Variants in RBM33 observed in about 807,000 individuals in gnomAD.
RBM33 encodes RNA binding motif protein 33.
RBM33 carries 28 observed loss-of-function variants against 132.6 expected under a neutral mutation model. That is an observed-to-expected ratio of 0.21 (90% CI 0.16 to 0.29). The LOEUF is 0.29. RBM33 is among the 10% of genes least tolerant of loss of function. The pLI is 1.00. For missense variants in RBM33, 1,291 were observed against 1,518.5 expected (o/e 0.85, Z 2.49); for synonymous variants, 634 against 593.0 (o/e 1.07, Z -1.01).
chr7:155,648,909 A>G (rs1217635785), intron 1 of RBM33, among the ~76,000 whole-genome samples: 1 of 152,104 alleles, frequency 6.6e-6, no homozygotes, highest in Non-Finnish European at 1.5e-5. Flanking sequence ...ATGACATGTC[A>G]CTTCTCTCTT....
In RBM33 at chr7:155,774,535, A is replaced by G. The variant is rs559164149; in HGVS notation, c.3376-24A>G. On this transcript the variant is annotated intron_variant, in intron 16 of 17. Transcript: ENST00000401878. The surrounding 1 kb of genome is among the most constrained non-coding windows in gnomAD (Gnocchi z 4.2). ...TTTATTGTCATTTACAACTGATCTT[A>G]AAGTGTTTGTTTTCTTCCTCTAGAG... 3.2e-6 allele frequency: 5 copies of G among 1,543,740 alleles called. No homozygotes were observed. In the East Asian group the frequency reaches 6.7e-5, roughly 21 times the overall value.
chr7:155,733,932 C>T (rs1410005887), intron 9 of RBM33, among the ~76,000 whole-genome samples: 2 of 152,228 alleles, frequency 1.3e-5, no homozygotes, highest in East Asian at 1.9e-4. Context: ...AGAAAATGAA[C>T]ATTTAATTCT....
intron 5 of RBM33, among the ~76,000 whole-genome samples, chr7:155,694,675 T>C (rs187499095): frequency 1.3e-5 from 2 of 152,316 alleles, no homozygotes; most frequent in Non-Finnish European, 1.5e-5. Flanking sequence ...AATGTAGTCA[T>C]ATAGTGTGTG....
chr7:155,704,120 T>C (rs563520018), intron 6 of RBM33, among the ~76,000 whole-genome samples: 17 of 152,334 alleles, frequency 1.1e-4, no homozygotes, highest in Admixed American at 4.6e-4. Flanking sequence ...TTTTTTCACA[T>C]TCACATCTCT....
chr7:155,749,325 A>G (rs765713638), intron 14 of RBM33, among the ~76,000 whole-genome samples: 3 of 152,162 alleles, frequency 2.0e-5, no homozygotes, highest in African/African-American at 4.8e-5. Flanking sequence ...AGTGTTTAGC[A>G]TGTACTCACA....
chr7:155,659,617 A>G (rs1798586922), intron 1 of RBM33, among the ~76,000 whole-genome samples: 1 of 152,338 alleles, frequency 6.6e-6, no homozygotes, highest in Non-Finnish European at 1.5e-5. Context: ...AAGTGTACTT[A>G]TATACACATA....
chr7:155,758,823 C>T (rs1186647303), intron 14 of RBM33, among the ~76,000 whole-genome samples: 4 of 131,428 alleles, frequency 3.0e-5, no homozygotes, highest in East Asian at 2.2e-4. Flanking sequence ...GGTGCACATG[C>T]CTCCAGGAAG....
intron 11 of RBM33, 78 bp from the exon 12 acceptor site, chr7:155,739,637 T>C: frequency 7.0e-7 from 1 of 1,432,488 alleles, no homozygotes; most frequent in Non-Finnish European, 9.2e-7. Flanking sequence ...TGTTGAGGTT[T>C]TTTAGGAAAT....
At chr7:155,729,379 G>C (rs956691313) in intron 9 of RBM33, among the ~76,000 whole-genome samples, 2 of 150,766 alleles carry the variant, frequency 1.3e-5, no homozygotes, top group African/African-American at 5.0e-5. Flanking sequence ...CCAGCTGCAG[G>C]GTGAAGAAGC....
rs570122104 is a variant in RBM33, at chr7:155,774,471, G to C, written c.3376-88G>C. The C allele has an allele frequency of 2.0e-6, 2 of 993,140 alleles. No homozygotes were observed. Among genetic ancestry groups the C allele is most frequent in the African/African-American group, 1.6e-5 (1 of 61,362 alleles). The allele number at this position is 993,140 out of a possible 1,614,324, so 61.5% of individuals were successfully genotyped here. On this transcript the variant is annotated intron_variant, in intron 16 of 17. Coordinates refer to ENST00000401878, the MANE Select transcript of RBM33 (RefSeq NM_053043.3). This position sits in a 1 kb window ranked among gnomAD's most constrained non-coding sequence, Gnocchi z 4.2. ...AAATGTCCGCCTGGACTCATTTTGTGTTAAAACTAATAATGCTTAAATATA... is the reference window on the plus strand; with the variant it reads ...AAATGTCCGCCTGGACTCATTTTGTCTTAAAACTAATAATGCTTAAATATA...
At chr7:155,655,493 T>C (rs529981077) in intron 1 of RBM33, among the ~76,000 whole-genome samples, 1 of 149,782 alleles carries the variant, frequency 6.7e-6, no homozygotes, top group Non-Finnish European at 1.5e-5. Flanking sequence ...AGAGTGTCTG[T>C]GAAGTCAGAC....
At chr7:155,714,098 A>C (rs926349828) in intron 8 of RBM33, among the ~76,000 whole-genome samples, 2 of 152,020 alleles carry the variant, frequency 1.3e-5, no homozygotes, top group African/African-American at 4.8e-5. Context: ...GCAGGGATGG[A>C]TGGGGCTGCT....
At chr7:155,649,099 G>A (rs1375642402) in intron 1 of RBM33, among the ~76,000 whole-genome samples, 2 of 151,924 alleles carry the variant, frequency 1.3e-5, no homozygotes, top group Non-Finnish European at 2.9e-5. Flanking sequence ...CTGCTACTTT[G>A]TTTTCTCCTT....
intron 1 of RBM33, among the ~76,000 whole-genome samples, chr7:155,662,619 A>C (rs893876092): frequency 6.6e-6 from 1 of 151,758 alleles, no homozygotes; most frequent in Non-Finnish European, 1.5e-5. Context: ...GTGCCTGGGA[A>C]CTGGGGGAAA....
intron 14 of RBM33, among the ~76,000 whole-genome samples, chr7:155,759,594 T>C (rs886838003): frequency 2.6e-5 from 4 of 152,076 alleles, no homozygotes; most frequent in Admixed American, 2.6e-4. Flanking sequence ...ATTTTTTTTG[T>C]ATTTTTAGTA....
intron 5 of RBM33, among the ~76,000 whole-genome samples, chr7:155,694,994 G>C (rs947849505): frequency 6.6e-6 from 1 of 152,098 alleles, no homozygotes; most frequent in Non-Finnish European, 1.5e-5. Context: ...CAAAGTGGCT[G>C]TACCATTTGG....
intron 16 of RBM33, among the ~76,000 whole-genome samples, chr7:155,767,445 AG>A (rs1802263052): frequency 6.6e-6 from 1 of 152,254 alleles, no homozygotes; most frequent in South Asian, 2.1e-4. Context: ...CAGAGTTCTG[AG>A]GAGTCCAAAG....
intron 14 of RBM33, among the ~76,000 whole-genome samples, chr7:155,747,078 C>T (rs773961636): frequency 6.6e-6 from 1 of 152,130 alleles, no homozygotes; most frequent in African/African-American, 2.4e-5. Context: ...ATAAGAAAAT[C>T]TTTATAAAAT....
At position 155,743,372 on chromosome 7, in the gene RBM33, G is replaced by A. The variant is rs1585517847; in HGVS notation, c.2337+1266G>A. Among the ~76,000 whole-genome samples, 3 of 152,208 alleles carry A rather than the reference G, an allele frequency of 2.0e-5. No individual in the cohort carries two copies. The East Asian group carries it at 5.8e-4, about 29-fold the overall frequency. Reference sequence around the variant, plus strand: ...TTCATAATAACAGGGCTACCTAATAGGGGAAGTTGCCTTTCAGGCATCCTG... The same window carrying A: ...TTCATAATAACAGGGCTACCTAATAAGGGAAGTTGCCTTTCAGGCATCCTG... On this transcript the variant is annotated intron_variant, in intron 13 of 17. Coordinates refer to ENST00000401878, the MANE Select transcript of RBM33 (RefSeq NM_053043.3).
Sources: gnomAD v4.1 joint callset for allele counts (sites outside exome capture counted in the v4.1 genomes callset) on GRCh38, gnomAD v4.1.1 for gene constraint, Gnocchi (gnomAD v3.1) non-coding constraint, MANE v1.5 for transcripts, NCBI Gene and HGNC (gene_info 2026-07-23, HGNC 2026-07-21) for gene names.